NFIB: variants seen among roughly 807,000 people sequenced by gnomAD.
NFIB encodes nuclear factor I B.
Under a neutral mutation model 61.5 loss-of-function variants are expected in NFIB, and 11 were observed. The ratio of observed to expected loss-of-function variants is 0.18; its 90% CI spans 0.11 to 0.30. NFIB has a LOEUF of 0.30. Among genes scored for constraint, NFIB ranks in the 10% least tolerant of loss-of-function variants. NFIB has a pLI of 1.00. For missense variants in NFIB, 471 were observed against 608.9 expected, an observed-to-expected ratio of 0.77 and a Z score of 2.38; for synonymous variants, 260 against 216.5, an observed-to-expected ratio of 1.20 and a Z score of -1.76.
At chr9:14,109,997 T>C (rs2037105909) in intron 10 of NFIB, among the ~76,000 whole-genome samples, 1 of 152,016 alleles carries the variant, frequency 6.6e-6, no homozygotes, top group Admixed American at 6.6e-5. Context: ...ACCAAGTAAA[T>C]GATATGAAAG....
At chr9:14,424,312 G>C in the NFIB span, among the ~76,000 whole-genome samples, 1 of 152,164 alleles carries the variant, frequency 6.6e-6, no homozygotes, top group African/African-American at 2.4e-5. Flanking sequence ...TTCCATTGCT[G>C]TATTCTGCAG....
chr9:14,396,872 A>G (rs895936267), intron 1 of NFIB, among the ~76,000 whole-genome samples: 6 of 152,176 alleles, frequency 3.9e-5, no homozygotes, highest in Non-Finnish European at 5.9e-5. Context: ...TGAGCCATTA[A>G]TGGAATTGAA....
At chr9:14,269,205 C>T (rs1289299783) in intron 2 of NFIB, among the ~76,000 whole-genome samples, 1 of 152,186 alleles carries the variant, frequency 6.6e-6, no homozygotes, top group African/African-American at 2.4e-5. Context: ...TACCACATCT[C>T]ATTCTCTACA....
chr9:14,253,261 C>A (rs2055856317), intron 2 of NFIB, among the ~76,000 whole-genome samples: 2 of 152,172 alleles, frequency 1.3e-5, no homozygotes, highest in African/African-American at 4.8e-5. Flanking sequence ...AACATAACAT[C>A]TTTAACGAAC....
chr9:14,490,222 C>G, the NFIB span, among the ~76,000 whole-genome samples: 1 of 152,050 alleles, frequency 6.6e-6, no homozygotes, highest in Non-Finnish European at 1.5e-5. Flanking sequence ...TCATATGAAT[C>G]AAAGTGTTTT....
At chr9:14,352,852 A>G (rs1332083283) in intron 1 of NFIB, among the ~76,000 whole-genome samples, 4 of 152,214 alleles carry the variant, frequency 2.6e-5, no homozygotes, top group African/African-American at 9.6e-5. Context: ...GAGGAGTTTC[A>G]GGAGTCTTTG....
intron 2 of NFIB, among the ~76,000 whole-genome samples, chr9:14,221,116 T>C (rs1293653429): frequency 2.0e-5 from 3 of 152,152 alleles, no homozygotes; most frequent in African/African-American, 7.2e-5. Flanking sequence ...TTCTAGTTGA[T>C]ATTCCCACAT....
At chr9:14,252,631 C>G (rs2055764897) in intron 2 of NFIB, among the ~76,000 whole-genome samples, 4 of 150,526 alleles carry the variant, frequency 2.7e-5, no homozygotes, top group South Asian at 2.1e-4. Flanking sequence ...ATACATGTTT[C>G]AGAAATAATA....
At chr9:14,192,680 C>A (rs992065795) in intron 2 of NFIB, among the ~76,000 whole-genome samples, 1 of 152,128 alleles carries the variant, frequency 6.6e-6, no homozygotes, top group East Asian at 1.9e-4. Context: ...TTCTTGCTTC[C>A]ACTGAACAAG....
At position 14,307,365 on chromosome 9, in the gene NFIB, G is replaced by A. The variant is rs770325375; in HGVS notation, c.186C>T (p.Leu62=). 2.5e-6 allele frequency: 4 copies of A among 1,614,008 alleles called. No homozygotes were observed. The Admixed American group carries it at 5.0e-5, about 20-fold the overall frequency. Residue 62 remains leucine, a synonymous_variant, in exon 2 of 11, where the codon CTC becomes CTT. Coordinates refer to ENST00000380953, the MANE Select transcript of NFIB (RefSeq NM_001190737.2). The surrounding 1 kb of genome is among the most constrained non-coding windows in gnomAD (Gnocchi z 5.3). ...TCTGTTTGATTTCAGGCTTTTCACT[G>A]AGAAGCTCATCTTTGACTGCTCTTT... ...DEERAVKDEL[L]SEKPEIKQKW... is the part of the protein sequence containing the mutation.
intron 2 of NFIB, among the ~76,000 whole-genome samples, chr9:14,221,112 T>C (rs775845286): frequency 1.3e-5 from 2 of 152,142 alleles, no homozygotes; most frequent in African/African-American, 2.4e-5. Context: ...CAGCTTCTAG[T>C]TGATATTCCC....
At chr9:14,262,737 T>C (rs955860838) in intron 2 of NFIB, among the ~76,000 whole-genome samples, 1 of 152,234 alleles carries the variant, frequency 6.6e-6, no homozygotes, top group Non-Finnish European at 1.5e-5. Context: ...AAGATGTTCA[T>C]ACGCGTCAAG....
intron 1 of NFIB, among the ~76,000 whole-genome samples, chr9:14,343,941 A>T (rs144674809): frequency 6.6e-6 from 1 of 152,172 alleles, no homozygotes; most frequent in African/African-American, 2.4e-5. Flanking sequence ...CCTGGCAGAG[A>T]GTGCTGCAAA....
chr9:14,239,114 A>C (rs1355918142), intron 2 of NFIB, among the ~76,000 whole-genome samples: 1 of 152,244 alleles, frequency 6.6e-6, no homozygotes, highest in African/African-American at 2.4e-5. Context: ...CTAAGAAACT[A>C]AAATTAAGAA....
chr9:14,187,061 G>A (rs1283352664), intron 2 of NFIB, among the ~76,000 whole-genome samples: 2 of 142,450 alleles, frequency 1.4e-5, no homozygotes, highest in African/African-American at 5.4e-5. Flanking sequence ...GTGTGTGTGT[G>A]TGTGTGTGTG....
At chr9:14,438,824 A>C in the NFIB span, among the ~76,000 whole-genome samples, 1 of 152,146 alleles carries the variant, frequency 6.6e-6, no homozygotes, top group Non-Finnish European at 1.5e-5. Flanking sequence ...CTGGGGCGGC[A>C]GAGAATGAGG....
the NFIB span, among the ~76,000 whole-genome samples, chr9:14,421,407 C>G: frequency 6.6e-6 from 1 of 152,134 alleles, no homozygotes; most frequent in East Asian, 1.9e-4. Context: ...TCTAATTTAA[C>G]AGAGTGTATA....
chr9:14,464,720 C>T, the NFIB span, among the ~76,000 whole-genome samples: 1 of 152,040 alleles, frequency 6.6e-6, no homozygotes, highest in Non-Finnish European at 1.5e-5. Context: ...TTCTGATGGA[C>T]CAGAACCCTA....
chr9:14,189,720 C>T (rs2047737517), intron 2 of NFIB, among the ~76,000 whole-genome samples: 1 of 150,268 alleles, frequency 6.7e-6, no homozygotes, highest in Non-Finnish European at 1.5e-5. Context: ...CCCATGGGGT[C>T]AAGAAACATG....
Sources: allele counts gnomAD v4.1 joint callset (sites outside exome capture counted in the v4.1 genomes callset), GRCh38; gene constraint gnomAD v4.1.1; non-coding constraint Gnocchi (gnomAD v3.1); transcripts MANE v1.5; gene names NCBI Gene and HGNC (gene_info 2026-07-23, HGNC 2026-07-21).